TANGO6: variants seen among roughly 807,000 people sequenced by gnomAD.
TANGO6 encodes transport and Golgi organization protein 6 homolog.
In TANGO6, 90 loss-of-function variants were observed where a neutral mutation model predicts 114.2. The observed-to-expected ratio is 0.79, with a 90% confidence interval of 0.66 to 0.94. The LOEUF (loss-of-function observed/expected upper bound fraction) is 0.94. TANGO6 is among the 40% of genes least tolerant of loss of function. The pLI is 0.00. For missense variants in TANGO6, 1,274 were observed against 1,315.3 expected (o/e 0.97, Z 0.49); for synonymous variants, 477 against 509.8 (o/e 0.94, Z 0.87).
Position 68,867,104 on chromosome 16 carries a change from T to C in TANGO6, c.878T>C (p.Met293Thr), listed in dbSNP as rs749825442. ...PQSCTDVKTQ[M>T]RCRAPAWLRR... ...TCCTGCACAGATGTGAAGACACAGA[T>C]GAGGTGTCGGGCCCCAGCTTGGCTT... The change falls in exon 4 of 18, where the codon ATG becomes ACG. Residue 293 changes from methionine to threonine, a missense_variant. Coordinates refer to ENST00000261778, the MANE Select transcript of TANGO6 (RefSeq NM_024562.2). The C allele has an allele frequency of 3.7e-6, 6 of 1,612,562 alleles. No homozygotes were observed. Among genetic ancestry groups the C allele is most frequent in the Non-Finnish European group, 5.1e-6 (6 of 1,179,520 alleles).
chr16:68,915,880 C>T (rs545273519), intron 11 of TANGO6, among the ~76,000 whole-genome samples: 11 of 152,276 alleles, frequency 7.2e-5, no homozygotes, highest in Middle Eastern at 3.4e-3. Context: ...TGCAAGCTTG[C>T]ATGTTATTTG....
At chr16:68,866,762 C>T (rs1281835541) in intron 3 of TANGO6, among the ~76,000 whole-genome samples, 2 of 151,926 alleles carry the variant, frequency 1.3e-5, no homozygotes, top group Admixed American at 6.6e-5. Context: ...CATGGTGAAA[C>T]CCCATCTCTA....
chr16:68,908,227 G>A (rs1962878176), intron 10 of TANGO6, among the ~76,000 whole-genome samples: 2 of 152,114 alleles, frequency 1.3e-5, no homozygotes, highest in Non-Finnish European at 1.5e-5. Flanking sequence ...AGGTTTCTGT[G>A]GGTATGGGAG....
intron 8 of TANGO6, 80 bp from the exon 9 acceptor site, chr16:68,902,248 C>A: frequency 7.1e-7 from 1 of 1,402,620 alleles, no homozygotes. Flanking sequence ...ACCTGACAGC[C>A]TTTCTTTCTT....
At chr16:68,904,599 C>T (rs1300321755) in intron 9 of TANGO6, among the ~76,000 whole-genome samples, 1 of 152,018 alleles carries the variant, frequency 6.6e-6, no homozygotes, top group Non-Finnish European at 1.5e-5. Context: ...AAACATCTAT[C>T]TTTTTTTTCT....
Position 69,022,984 on chromosome 16 carries a change from T to C in TANGO6, c.2994+5T>C. On this transcript the variant is annotated splice_donor_5th_base_variant and intron_variant, in intron 16 of 17. Transcript: ENST00000261778. The stretch of plus-strand genomic sequence containing the variant: ...CTGGGCTCCGTGGTCCATGAGGTAC[T>C]GTATTTTGATTCCTTTCTCTAAAGC... 1.3e-6 allele frequency: 2 copies of C among 1,565,486 alleles called. No homozygotes were observed. Among genetic ancestry groups the C allele is most frequent in the Non-Finnish European group, 1.7e-6 (2 of 1,161,206 alleles).
At chr16:68,948,669 A>T (rs1963440598) in intron 14 of TANGO6, among the ~76,000 whole-genome samples, 1 of 152,126 alleles carries the variant, frequency 6.6e-6, no homozygotes. Context: ...TAGTATGCTG[A>T]CCTCATGCTT....
chr16:69,023,247 G>A (rs1339117053), intron 16 of TANGO6, among the ~76,000 whole-genome samples: 1 of 152,098 alleles, frequency 6.6e-6, no homozygotes, highest in Non-Finnish European at 1.5e-5. Context: ...CTTGCGGCCA[G>A]GAGTCTGAAA....
At chr16:68,919,050 T>G (rs376891156) in intron 11 of TANGO6, 35 bp from the exon 12 acceptor site, 10 of 1,588,230 alleles carry the variant, frequency 6.3e-6, no homozygotes, top group Admixed American at 3.6e-5. Flanking sequence ...TTTTTTTTCA[T>G]TCCTCATTGA....
At chr16:68,939,556 C>G (rs2152201280) in intron 14 of TANGO6, among the ~76,000 whole-genome samples, 1 of 151,424 alleles carries the variant, frequency 6.6e-6, no homozygotes, top group Non-Finnish European at 1.5e-5. Flanking sequence ...TCTAAGCTGT[C>G]CACTAGGTGT....
chr16:69,079,254 C>T lies in TANGO6; in HGVS notation c.3109-4231C>T, dbSNP rs566239080. On this transcript the variant is annotated intron_variant, in intron 17 of 17. Coordinates refer to ENST00000261778, the MANE Select transcript of TANGO6 (RefSeq NM_024562.2). ...CTGAGGCAAGAGAATCGCTTGAACC[C>T]GGGAGGCGGAGGTTGCAGTGAGCCG... Among the ~76,000 whole-genome samples the T allele has an allele frequency of 4.0e-5, 6 of 151,832 alleles. No individual in the cohort carries two copies. The South Asian group carries it at 1.0e-3, about 26-fold the overall frequency.
intron 15 of TANGO6, among the ~76,000 whole-genome samples, chr16:68,993,315 C>T (rs1012560056): frequency 6.6e-6 from 1 of 152,224 alleles, no homozygotes; most frequent in Non-Finnish European, 1.5e-5. Context: ...TTTGTCTTCT[C>T]ATCTCACTAT....
intron 17 of TANGO6, among the ~76,000 whole-genome samples, chr16:69,060,619 A>G (rs895493248): frequency 3.3e-5 from 5 of 151,960 alleles, no homozygotes; most frequent in African/African-American, 4.8e-5. Flanking sequence ...AAAAGAAAAA[A>G]AAAAGAGGCA....
intron 1 of TANGO6, among the ~76,000 whole-genome samples, chr16:68,847,876 G>A (rs1253614395): frequency 1.3e-5 from 2 of 151,780 alleles, no homozygotes; most frequent in East Asian, 1.9e-4. Context: ...GGCATGCGCC[G>A]GTAGTCCCAG....
chr16:68,901,883 C>G (rs542539813), intron 8 of TANGO6, among the ~76,000 whole-genome samples: 43 of 152,216 alleles, frequency 2.8e-4, no homozygotes, highest in African/African-American at 9.9e-4. Flanking sequence ...AGTTCCTCTT[C>G]TAGTTGATTG....
intron 14 of TANGO6, among the ~76,000 whole-genome samples, chr16:68,966,503 C>CA (rs1226252441): frequency 6.3e-4 from 90 of 142,976 alleles, no homozygotes; most frequent in African/African-American, 1.9e-3. Context: ...GACTCCATCT[C>CA]AAAAAAAAAT....
At chr16:69,064,424 A>G (rs767107154) in intron 17 of TANGO6, among the ~76,000 whole-genome samples, 9 of 152,184 alleles carry the variant, frequency 5.9e-5, no homozygotes, top group Admixed American at 1.3e-4. Context: ...GGTGATTCAG[A>G]GTGCCCTAAA....
intron 14 of TANGO6, among the ~76,000 whole-genome samples, chr16:68,956,216 G>T (rs1963528744): frequency 6.6e-6 from 1 of 152,122 alleles, no homozygotes; most frequent in South Asian, 2.1e-4. Context: ...CACTTTAAAA[G>T]CATTAAAGAG....
intron 14 of TANGO6, among the ~76,000 whole-genome samples, chr16:68,966,363 G>T (rs1963645503): frequency 6.6e-6 from 1 of 152,030 alleles, no homozygotes; most frequent in Admixed American, 6.6e-5. Context: ...AATTAGCCGA[G>T]TGTGGTGGTG....
Sources: allele counts gnomAD v4.1 joint callset (sites outside exome capture counted in the v4.1 genomes callset), GRCh38; gene constraint gnomAD v4.1.1; transcripts MANE v1.5; gene names NCBI Gene and HGNC (gene_info 2026-07-23, HGNC 2026-07-21).